The following SLC14A2 variants were observed in gnomAD, a reference collection of about 807,000 sequenced individuals.
SLC14A2 encodes solute carrier family 14 member 2, also known as urea transporter 2.
In SLC14A2, 91 loss-of-function variants were observed where a neutral mutation model predicts 104.6. The observed-to-expected ratio is 0.87, with a 90% CI of 0.73 to 1.04. The LOEUF (loss-of-function observed/expected upper bound fraction) is 1.04, where lower values mean the gene tolerates loss of function less well. Ranked by LOEUF, SLC14A2 falls within the 50% of genes least tolerant of loss-of-function variation. SLC14A2 has a pLI of 0.00. For synonymous variants in SLC14A2, 476 were observed against 466.4 expected (o/e 1.02, Z -0.27); for missense variants, 1,189 against 1,156.0 (o/e 1.03, Z -0.41).
chr18:45,287,455 A>G (rs2084825810), intron 1 of SLC14A2, among the ~76,000 whole-genome samples: 1 of 152,174 alleles, frequency 6.6e-6, no homozygotes, highest in Non-Finnish European at 1.5e-5. Flanking sequence ...AAGAGCAGCA[A>G]CTCGTGGCCC....
intron 2 of SLC14A2, among the ~76,000 whole-genome samples, chr18:45,591,301 G>A (rs189630407): frequency 4.6e-5 from 7 of 152,250 alleles, no homozygotes; most frequent in African/African-American, 1.2e-4. Flanking sequence ...TCATTCAGTA[G>A]GTCTGTGGAG....
intron 1 of SLC14A2, among the ~76,000 whole-genome samples, chr18:45,469,896 A>G (rs1269451200): frequency 6.6e-6 from 1 of 152,212 alleles, no homozygotes; most frequent in Admixed American, 6.5e-5. Context: ...TGCAGCAGAT[A>G]TGGGGAGCTA....
At chr18:45,302,664 G>T (rs1272881547) in intron 1 of SLC14A2, among the ~76,000 whole-genome samples, 1 of 152,100 alleles carries the variant, frequency 6.6e-6, no homozygotes, top group Admixed American at 6.5e-5. Context: ...AGACACTCGG[G>T]TTCTATTATT....
chr18:45,626,135 T>C (rs1444428635), intron 3 of SLC14A2, among the ~76,000 whole-genome samples: 2 of 152,212 alleles, frequency 1.3e-5, no homozygotes, highest in African/African-American at 4.8e-5. Context: ...AAATTGCTCG[T>C]TCCTATGTGA....
Position 45,537,415 on chromosome 18 carries a change from G to A in SLC14A2, c.-35+54093G>A, listed in dbSNP as rs116777868. On this transcript the variant is annotated intron_variant, in intron 2 of 20. Coordinates refer to the SLC14A2 transcript ENST00000586448. ...ACAAAGACGTGAAGAAGGCGAGGGA[G>A]TGAGCCATGCAGGTAACTGGGGAGG... 2.6e-5 allele frequency among the ~76,000 whole-genome samples: 4 copies of A among 152,218 alleles called. No individual in the cohort carries two copies. The South Asian group carries it at 8.3e-4, about 32-fold the overall frequency.
At chr18:45,191,857 T>C in the SLC14A2 span, among the ~76,000 whole-genome samples, 5 of 152,040 alleles carry the variant, frequency 3.3e-5, no homozygotes, top group East Asian at 7.7e-4. Context: ...GGAAACCATA[T>C]CTTGCCTCTG....
chr18:45,423,622 G>A (rs2086380051), intron 1 of SLC14A2: 1 of 152,026 alleles, frequency 6.6e-6, no homozygotes, highest in African/African-American at 2.4e-5. Flanking sequence ...AGACAAAGAT[G>A]ACCTCTGAGC....
the SLC14A2 span, chr18:45,169,085 G>C: frequency 3.3e-5 from 5 of 152,108 alleles, no homozygotes; most frequent in African/African-American, 1.2e-4. Flanking sequence ...GGATTTGAGA[G>C]TTTGACTCAC....
chr18:45,677,937 G>T (rs138578781), intron 18 of SLC14A2, among the ~76,000 whole-genome samples: 3,262 of 152,230 alleles, frequency 0.021, 144 homozygotes, highest in African/African-American at 0.074. Context: ...TCCTGCCTCA[G>T]CCTCCCAAGT....
intron 18 of SLC14A2, among the ~76,000 whole-genome samples, chr18:45,676,932 T>TA (rs971078983): frequency 2.0e-5 from 3 of 152,132 alleles, no homozygotes; most frequent in African/African-American, 4.8e-5. Context: ...TTTCTACCAG[T>TA]AAAAAAATCC....
chr18:45,674,536 C>T (rs1355685013), intron 18 of SLC14A2, among the ~76,000 whole-genome samples: 1 of 152,142 alleles, frequency 6.6e-6, no homozygotes, highest in Admixed American at 6.5e-5. Context: ...GGTAAAGCTG[C>T]TGTCTTTTTC....
At chr18:45,414,822 G>A (rs2086258868) in intron 1 of SLC14A2, among the ~76,000 whole-genome samples, 1 of 127,552 alleles carries the variant, frequency 7.8e-6, no homozygotes, top group Non-Finnish European at 1.6e-5. Context: ...TGCCCTCAAG[G>A]ATCTCATAGT....
chr18:45,515,931 G>A (rs1183404516), intron 2 of SLC14A2, among the ~76,000 whole-genome samples: 1 of 152,232 alleles, frequency 6.6e-6, no homozygotes, highest in African/African-American at 2.4e-5. Flanking sequence ...AAATACCCAA[G>A]CCATTGTGGT....
rs140539185 is a variant in SLC14A2, at chr18:45,442,757, T to G, written c.-124-40476T>G. 1.6e-4 allele frequency among the ~76,000 whole-genome samples: 25 copies of G among 152,328 alleles called. No homozygotes were observed. In the East Asian group the frequency reaches 4.6e-3, roughly 28 times the overall value. On this transcript the variant is annotated intron_variant, in intron 1 of 20. Transcript: ENST00000586448. ...ATGTATATAAAGCTTAATTACAAAT[T>G]AAGTGTTCCATAAAGGAAGCTACTA... is the stretch of plus-strand genomic sequence containing the variant.
chr18:45,615,623 T>C (rs1280691458), intron 1 of SLC14A2, 41 bp downstream of exon 1: 2 of 149,530 alleles, frequency 1.3e-5, no homozygotes, highest in East Asian at 4.0e-4. Flanking sequence ...TTCTAATAAA[T>C]CACCCACTCT....
intron 1 of SLC14A2, among the ~76,000 whole-genome samples, chr18:45,308,654 C>T (rs867704502): frequency 9.9e-5 from 15 of 152,176 alleles, no homozygotes; most frequent in Admixed American, 6.5e-4. Flanking sequence ...GTCAGTGCCG[C>T]CTCCCTCCCT....
At chr18:45,425,738 T>C (rs1048857241) in intron 1 of SLC14A2, among the ~76,000 whole-genome samples, 2 of 152,184 alleles carry the variant, frequency 1.3e-5, no homozygotes, top group Non-Finnish European at 2.9e-5. Context: ...CTAGGTATAA[T>C]AGTAAGCTGT....
chr18:45,637,752 A>G (rs952858906), intron 6 of SLC14A2, among the ~76,000 whole-genome samples: 3 of 152,094 alleles, frequency 2.0e-5, no homozygotes, highest in African/African-American at 7.2e-5. Flanking sequence ...CTCCCAGGCC[A>G]CTTCCCTCTT....
intron 1 of SLC14A2, among the ~76,000 whole-genome samples, chr18:45,455,637 C>CATAATA (rs141156069): frequency 0.011 from 1,623 of 148,908 alleles, 21 homozygotes; most frequent in African/African-American, 0.031. Context: ...GAACTTAAAG[C>CATAATA]ATAATAATAA....
Sources: gnomAD v4.1 joint callset for allele counts (sites outside exome capture counted in the v4.1 genomes callset) on GRCh38, gnomAD v4.1.1 for gene constraint, MANE v1.5 for transcripts, NCBI Gene and HGNC (gene_info 2026-07-23, HGNC 2026-07-21) for gene names.